Variants in CSTF1 observed in about 807,000 individuals in gnomAD.
The protein encoded by CSTF1 is CF-1 50 kDa subunit.
A neutral mutation model predicts 40.9 loss-of-function variants in CSTF1; 2 were observed. The ratio of observed to expected loss-of-function variants is 0.05; its 90% confidence interval spans 0.02 to 0.15. The LOEUF (loss-of-function observed/expected upper bound fraction) is 0.15. Among genes scored for constraint, CSTF1 ranks in the 10% least tolerant of loss-of-function variants. The pLI is 1.00. For missense variants in CSTF1, 279 were observed against 558.9 expected (o/e 0.50, Z 5.05); for synonymous variants, 218 against 207.2 (o/e 1.05, Z -0.45).
In CSTF1 at chr20:56,397,142, T is replaced by C; in HGVS notation, c.170-65T>C. ...CATCTTTCCAGTTTGGATCTAGAAT[T>C]TTATCTTGGCCTTTTTAAGAAAAAA... On this transcript the variant is annotated intron_variant, in intron 2 of 5. Coordinates refer to ENST00000217109, the MANE Select transcript of CSTF1 (RefSeq NM_001324.3). The surrounding 1 kb of genome is among the most constrained non-coding windows in gnomAD (Gnocchi z 4.4). 6.5e-7 allele frequency: 1 copy of C among 1,536,746 alleles called. No individual in the cohort carries two copies. The highest frequency in any genetic ancestry group is 8.8e-7 in the Non-Finnish European group (1 of 1,135,636).
intron 5 of CSTF1, among the ~76,000 whole-genome samples, chr20:56,400,577 A>G (rs1978407322): frequency 6.6e-6 from 1 of 152,134 alleles, no homozygotes; most frequent in Non-Finnish European, 1.5e-5. Flanking sequence ...GTGTTTTATA[A>G]TAGTATGAGG....
At position 56,403,652 on chromosome 20, in the gene CSTF1, C is replaced by A. The variant is rs199553571; in HGVS notation, c.1221C>A (p.Pro407=). ...NNIVRCIVHS[P]TNPGFMTCSD... ...TTGTACGCTGCATAGTGCACTCCCC[C>A]ACCAACCCCGGGTTCATGACGTGCA... is the stretch of plus-strand genomic sequence containing the variant. The change falls in exon 6 of 6, where the codon CCC becomes CCA. Residue 407 remains proline, a synonymous_variant. Coordinates refer to ENST00000217109, the MANE Select transcript of CSTF1 (RefSeq NM_001324.3). 5 of 1,614,080 alleles carry A rather than the reference C, an allele frequency of 3.1e-6. No individual in the cohort carries two copies. The African/African-American group carries it at 6.7e-5, about 22-fold the overall frequency.
intron 2 of CSTF1, chr20:56,396,792 A>G (rs1205018879): frequency 3.2e-5 from 5 of 156,404 alleles, no homozygotes; most frequent in African/African-American, 1.2e-4. Context: ...TTTCACTAGC[A>G]TTCATGTTAA....
chr20:56,399,637 C>G lies in CSTF1; in HGVS notation c.1036+280C>G, dbSNP rs1207524957. On this transcript the variant is annotated intron_variant, in intron 5 of 5. Transcript: ENST00000217109. This position sits in a 1 kb window ranked among gnomAD's most constrained non-coding sequence, Gnocchi z 4.6. ...AGTAACATTTGAGAACCTGGTGATCCATTTGTAGACTGGCATGCCCTCTTC... is the reference window on the plus strand; with the variant it reads ...AGTAACATTTGAGAACCTGGTGATCGATTTGTAGACTGGCATGCCCTCTTC... Among the ~76,000 whole-genome samples the G allele has an allele frequency of 6.6e-6, 1 of 152,184 alleles. No homozygotes were observed. The highest frequency in any genetic ancestry group is 1.5e-5 in the Non-Finnish European group (1 of 68,030).
intron 2 of CSTF1, chr20:56,396,035 C>T (rs1235878840): frequency 1.7e-5 from 4 of 228,716 alleles, no homozygotes; most frequent in Non-Finnish European, 3.4e-5. Flanking sequence ...CTTAACTCCT[C>T]CTAAAATAAT....
chr20:56,401,793 C>G (rs1217709317), intron 5 of CSTF1, among the ~76,000 whole-genome samples: 1 of 152,208 alleles, frequency 6.6e-6, no homozygotes, highest in African/African-American at 2.4e-5. Context: ...TTAATCCTCA[C>G]AGCCTTATGG....
Position 56,397,177 on chromosome 20 carries a change from T to G in CSTF1, c.170-30T>G, listed in dbSNP as rs758161583. The G allele has an allele frequency of 6.3e-7, 1 of 1,587,714 alleles. No individual in the cohort carries two copies. The highest frequency in any genetic ancestry group is 1.7e-4 in the Middle Eastern group (1 of 5,908). The stretch of plus-strand genomic sequence containing the variant: ...CCTTTTTAAGAAAAAACACTTGTTT[T>G]GTTACGCCCTTAATTTTGATTTCTT... On this transcript the variant is annotated intron_variant, in intron 2 of 5. Coordinates refer to ENST00000217109, the MANE Select transcript of CSTF1 (RefSeq NM_001324.3). This position sits in a 1 kb window ranked among gnomAD's most constrained non-coding sequence, Gnocchi z 4.4.
chr20:56,404,571 A>T lies in CSTF1; in HGVS notation c.*844A>T, dbSNP rs1340790343. On this transcript the variant is annotated 3_prime_UTR_variant, in exon 6 of 6. Transcript: ENST00000217109. ...CGTCAGCATGAACTAACTTCTCATC[A>T]TGGAGGCACATAGTAACTGCATTCT... 6.6e-6 allele frequency: 1 copy of T among 152,018 alleles called. No homozygotes were observed. Among genetic ancestry groups the T allele is most frequent in the Non-Finnish European group, 1.5e-5 (1 of 67,996 alleles). The allele number at this position is 152,018 out of a possible 1,614,324, so 9.4% of individuals were successfully genotyped here. A position where few individuals can be genotyped will look rare whatever the true frequency, so the allele number is the denominator to read the frequency against.
chr20:56,402,658 C>T lies in CSTF1; in HGVS notation c.1037-810C>T, dbSNP rs537136753. ...GAAGTAAAAGAATTGTTAAACAGGC[C>T]GGGCATGGTGGCTCACACCTGTAAT... On this transcript the variant is annotated intron_variant, in intron 5 of 5. Transcript: ENST00000217109. Among the ~76,000 whole-genome samples the T allele has an allele frequency of 9.5e-4, 144 of 152,106 alleles. 1 individual carries two copies. The highest frequency in any genetic ancestry group is 2.0e-3 in the African/African-American group (84 of 41,492).
intron 5 of CSTF1, among the ~76,000 whole-genome samples, chr20:56,402,923 G>C (rs543883298): frequency 2.1e-5 from 3 of 146,316 alleles, no homozygotes; most frequent in Non-Finnish European, 4.5e-5. Context: ...GACAGAGTGA[G>C]ACTCTGTCTA....
rs530252437 is a variant in CSTF1 at position 56,404,381 on chromosome 20, G to C, written c.*654G>C. 6.6e-6 allele frequency: 1 copy of C among 152,124 alleles called. No individual in the cohort carries two copies. The highest frequency in any genetic ancestry group is 2.4e-5 in the African/African-American group (1 of 41,398). The allele number at this position is 152,124 out of a possible 1,614,324, so 9.4% of individuals were successfully genotyped here. A position where few individuals can be genotyped will look rare whatever the true frequency, so the allele number is the denominator to read the frequency against. On this transcript the variant is annotated 3_prime_UTR_variant, in exon 6 of 6. Transcript: ENST00000217109. ...TCAATATCTGCAATACTTGTCTTTA[G>C]TAACTGTATTTCTGGTAAGATTATG...
chr20:56,401,661 A>G (rs1978457261), intron 5 of CSTF1, among the ~76,000 whole-genome samples: 1 of 152,254 alleles, frequency 6.6e-6, no homozygotes, highest in South Asian at 2.1e-4. Flanking sequence ...TAAATGTCCA[A>G]TAAGAAGCAC....
chr20:56,393,131 T>C (rs189346940), intron 1 of CSTF1, among the ~76,000 whole-genome samples: 2,638 of 135,862 alleles, frequency 0.019, 35 homozygotes, highest in South Asian at 0.036. Context: ...TATATATATA[T>C]ACACACACAC....
At chr20:56,401,590 A>T (rs572086892) in intron 5 of CSTF1, among the ~76,000 whole-genome samples, 1 of 152,360 alleles carries the variant, frequency 6.6e-6, no homozygotes, top group East Asian at 1.9e-4. Flanking sequence ...AGACATGCAC[A>T]TGCCCATAAA....
At chr20:56,393,322 A>G (rs1414000320) in intron 1 of CSTF1, among the ~76,000 whole-genome samples, 1 of 152,052 alleles carries the variant, frequency 6.6e-6, no homozygotes. Flanking sequence ...CATAAGACGA[A>G]TTAACAGATT....
chr20:56,400,699 G>A (rs1477659251), intron 5 of CSTF1, among the ~76,000 whole-genome samples: 3 of 152,150 alleles, frequency 2.0e-5, no homozygotes, highest in East Asian at 1.9e-4. Context: ...CAGGTCAAGC[G>A]CCTGTCATGT....
upstream of CSTF1, chr20:56,392,430 G>C (rs1368430354): frequency 6.6e-6 from 1 of 152,304 alleles, no homozygotes; most frequent in African/African-American, 2.4e-5. Context: ...CCAGCCCCAG[G>C]GTGCTCTCCG....
At chr20:56,401,825 A>G (rs1387667713) in intron 5 of CSTF1, among the ~76,000 whole-genome samples, 1 of 152,234 alleles carries the variant, frequency 6.6e-6, no homozygotes, top group Non-Finnish European at 1.5e-5. Flanking sequence ...TAACTACTCC[A>G]TGGAACAGAT....
Position 56,395,648 on chromosome 20 carries a change from T to A in CSTF1, c.96T>A (p.Asn32Lys). The change falls in exon 2 of 6, where the codon AAT becomes AAA. Residue 32 changes from asparagine (N) to lysine (K), a missense_variant. Physicochemically the swap from Asn to Lys is moderately conservative, Grantham distance 94. Around this residue, in one of 4 missense-constraint regions of CSTF1, gnomAD observed 51 missense variants for 55.0 expected, o/e 0.93. Coordinates refer to ENST00000217109, the MANE Select transcript of CSTF1 (RefSeq NM_001324.3). Reference protein sequence around the residue: ...LLYDGYISIANGLINEIKPQS... With the variant: ...LLYDGYISIAKGLINEIKPQS... The stretch of plus-strand genomic sequence containing the variant: ...ATGACGGCTACATCAGCATCGCCAA[T>A]GGCCTCATCAATGAAATCAAGCCTC... 1 of 1,614,196 alleles carries A rather than the reference T, an allele frequency of 6.2e-7. No homozygotes were observed. Among genetic ancestry groups the A allele is most frequent in the Non-Finnish European group, 8.5e-7 (1 of 1,180,030 alleles).
Sources: allele counts gnomAD v4.1 joint callset (sites outside exome capture counted in the v4.1 genomes callset), GRCh38; gene constraint gnomAD v4.1.1; regional missense constraint gnomAD v4.1.1; non-coding constraint Gnocchi (gnomAD v3.1); transcripts MANE v1.5; gene names NCBI Gene and HGNC (gene_info 2026-07-23, HGNC 2026-07-21).